Variants in CRYGN observed in about 807,000 individuals in gnomAD.
The protein encoded by CRYGN is gamma-crystallin N.
Under a neutral mutation model 19.2 loss-of-function variants are expected in CRYGN, and 17 were observed. The ratio of observed to expected loss-of-function variants is 0.89; its 90% CI spans 0.61 to 1.33. The LOEUF is 1.33. Ranked by LOEUF, CRYGN falls within the 40% of genes most tolerant of loss-of-function variation. The pLI is 0.00. For synonymous variants in CRYGN, 84 were observed against 85.8 expected (o/e 0.98, Z 0.12); for missense variants, 239 against 239.6 (o/e 1.00, Z 0.02).
chr7:151,437,810 CAT>C, intron 2 of CRYGN, 184 bp downstream of exon 2: 1 of 1,471,488 alleles, frequency 6.8e-7, no homozygotes, highest in Non-Finnish European at 9.0e-7. Context: ...CCACTCAGTT[CAT>C]AGCAACTTGG....
chr7:151,432,417 A>T, intron 3 of CRYGN: 1 of 445,624 alleles, frequency 2.2e-6, no homozygotes, highest in Non-Finnish European at 3.7e-6. Flanking sequence ...GGCTACACGA[A>T]GGCACCCACG....
chr7:151,438,661 A>C (rs1801682873), intron 1 of CRYGN, among the ~76,000 whole-genome samples: 1 of 152,260 alleles, frequency 6.6e-6, no homozygotes, highest in Non-Finnish European at 1.5e-5. Context: ...TTTCACCCAC[A>C]ACCCTCTCAT....
Position 151,438,039 on chromosome 7 carries a change from T to C in CRYGN, c.227A>G (p.Asn76Ser), listed in dbSNP as rs748980423. Reference sequence around the variant, plus strand: ...GGAGCCCATGTGGTCACTGTGGCTGTTCCAGCGGAAGAAGTCGGGGTAGTC... The same window carrying C: ...GGAGCCCATGTGGTCACTGTGGCTGCTCCAGCGGAAGAAGTCGGGGTAGTC... ...HGDYPDFFRW[N>S]SHSDHMGSCR... The change falls in exon 2 of 4, where the codon AAC becomes AGC. Residue 76 changes from asparagine (N) to serine (S), a missense_variant. By Grantham distance (46) the Asn-to-Ser change is conservative (BLOSUM62 1). Transcript: ENST00000337323. 2 of 1,613,364 alleles carry C rather than the reference T, an allele frequency of 1.2e-6. No homozygotes were observed. The highest frequency in any genetic ancestry group is 1.7e-6 in the Non-Finnish European group (2 of 1,179,982).
rs1407887388 is a variant in CRYGN at position 151,435,966 on chromosome 7, CT to C, written c.416+213del. 1.3e-5 allele frequency among the ~76,000 whole-genome samples: 2 copies of C among 152,164 alleles called. No homozygotes were observed. Among genetic ancestry groups the C allele is most frequent in the Non-Finnish European group, 2.9e-5 (2 of 68,008 alleles). On this transcript the variant is annotated intron_variant, in intron 3 of 3. Coordinates refer to ENST00000337323, the MANE Select transcript of CRYGN (RefSeq NM_144727.3). The surrounding 1 kb of genome is among the most constrained non-coding windows in gnomAD (Gnocchi z 4.2). ...GGGCCCAGAGTCCCTCTCTGAGGCC[CT>C]TCTGGGCCACAGGGGAAGCTCCCCG...
At position 151,436,101 on chromosome 7, in the gene CRYGN, G is replaced by T; in HGVS notation, c.416+79C>A. 1 of 1,196,400 alleles carries T rather than the reference G, an allele frequency of 8.4e-7. No homozygotes were observed. Among genetic ancestry groups the T allele is most frequent in the Non-Finnish European group, 1.1e-6 (1 of 921,728 alleles). The allele number at this position is 1,196,400 out of a possible 1,614,324, so 74.1% of individuals were successfully genotyped here. A position where few individuals can be genotyped will look rare whatever the true frequency, so the allele number is the denominator to read the frequency against. ...CATTCCCACCCCACCCACCACCCCT[G>T]TGTGGCGGGCAGCCTCCCACGCCTG... On this transcript the variant is annotated intron_variant, in intron 3 of 3. Transcript: ENST00000337323. The surrounding 1 kb of genome is among the most constrained non-coding windows in gnomAD (Gnocchi z 5.1).
Position 151,439,922 on chromosome 7 carries a change from C to T in CRYGN, c.-5G>A. On this transcript the variant is annotated 5_prime_UTR_variant, in exon 1 of 4. Transcript: ENST00000337323. ...CTTCCCCGAGCGCTGCGCCATGGTG[C>T]GCCCCGCCCCTTCCGCGGGTCCCCG... is the stretch of plus-strand genomic sequence containing the variant. The T allele has an allele frequency of 1.3e-6, 2 of 1,542,302 alleles. No individual in the cohort carries two copies. The highest frequency in any genetic ancestry group is 1.2e-5 in the South Asian group (1 of 82,444).
Position 151,429,926 on chromosome 7 carries a change from C to T in CRYGN, c.*122G>A. On this transcript the variant is annotated 3_prime_UTR_variant, in exon 4 of 4. Coordinates refer to ENST00000337323, the MANE Select transcript of CRYGN (RefSeq NM_144727.3). ...GCCTCCCGCTGGCAGATATGACACACAGAAGGCTCCACCTCCCTAACAAAC... is the reference window on the plus strand; with the variant it reads ...GCCTCCCGCTGGCAGATATGACACATAGAAGGCTCCACCTCCCTAACAAAC... 2.8e-6 allele frequency: 2 copies of T among 726,150 alleles called. No homozygotes were observed. The highest frequency in any genetic ancestry group is 5.1e-6 in the Non-Finnish European group (2 of 391,126). The allele number at this position is 726,150 out of a possible 1,614,324, so 45.0% of individuals were successfully genotyped here.
chr7:151,434,648 T>C (rs1329901684), intron 3 of CRYGN, among the ~76,000 whole-genome samples: 7 of 152,206 alleles, frequency 4.6e-5, no homozygotes, highest in African/African-American at 1.7e-4. Flanking sequence ...GTTCCTGATA[T>C]AAAATGGCAC....
chr7:151,439,704 A>T (rs1396981896), intron 1 of CRYGN, among the ~76,000 whole-genome samples, 193 bp downstream of exon 1: 3 of 152,118 alleles, frequency 2.0e-5, no homozygotes, highest in Non-Finnish European at 4.4e-5. Context: ...AGGAGTGGAG[A>T]TGGAGACCTT....
intron 3 of CRYGN, chr7:151,432,188 G>A (rs907229816): frequency 1.1e-5 from 14 of 1,231,810 alleles, no homozygotes; most frequent in African/African-American, 4.7e-5. Flanking sequence ...GACTGCACTC[G>A]TGCGCTGTGG....
intron 2 of CRYGN, among the ~76,000 whole-genome samples, chr7:151,437,484 A>G (rs1584828174): frequency 6.6e-6 from 1 of 151,868 alleles, no homozygotes; most frequent in Non-Finnish European, 1.5e-5. Context: ...CCCTGCACAC[A>G]CCTCTTGGGC....
At chr7:151,432,913 G>A (rs1373753949) in intron 3 of CRYGN, among the ~76,000 whole-genome samples, 1 of 152,242 alleles carries the variant, frequency 6.6e-6, no homozygotes, top group Admixed American at 6.5e-5. Context: ...TTCATTCAGT[G>A]AATGCCAGCA....
At chr7:151,438,276 A>G in intron 1 of CRYGN, 32 bp from the exon 2 acceptor site, 1 of 1,581,556 alleles carries the variant, frequency 6.3e-7, no homozygotes, top group Non-Finnish European at 8.6e-7. Context: ...GCTCAGGGTC[A>G]GGGGCTTCTC....
rs1801467331 is a variant in CRYGN at position 151,431,634 on chromosome 7, ACACT to A, written c.417-1458_417-1455del. On this transcript the variant is annotated intron_variant, in intron 3 of 3. Coordinates refer to ENST00000337323, the MANE Select transcript of CRYGN (RefSeq NM_144727.3). This position sits in a 1 kb window ranked among gnomAD's most constrained non-coding sequence, Gnocchi z 4.8. ...CTGTTCAAGCTAAGCCCCCACCCTG[ACACT>A]CACCACCACTAACTGTTTTCTCTCT... 6.6e-6 allele frequency among the ~76,000 whole-genome samples: 1 copy of A among 152,072 alleles called. No homozygotes were observed. Among genetic ancestry groups the A allele is most frequent in the Admixed American group, 6.5e-5 (1 of 15,282 alleles).
chr7:151,440,512 T>C (rs1231392932), upstream of CRYGN: 2 of 152,982 alleles, frequency 1.3e-5, no homozygotes, highest in Non-Finnish European at 1.5e-5. Flanking sequence ...ACCCAGCTCC[T>C]GATGCACCCC....
In CRYGN at chr7:151,439,920, T is replaced by A; in HGVS notation, c.-3A>T. On this transcript the variant is annotated 5_prime_UTR_variant, in exon 1 of 4. Coordinates refer to ENST00000337323, the MANE Select transcript of CRYGN (RefSeq NM_144727.3). ...ACCTTCCCCGAGCGCTGCGCCATGGTGCGCCCCGCCCCTTCCGCGGGTCCC... is the reference window on the plus strand; with the variant it reads ...ACCTTCCCCGAGCGCTGCGCCATGGAGCGCCCCGCCCCTTCCGCGGGTCCC... 2 of 1,546,134 alleles carry A rather than the reference T, an allele frequency of 1.3e-6. No homozygotes were observed. Among genetic ancestry groups the A allele is most frequent in the Non-Finnish European group, 1.7e-6 (2 of 1,147,546 alleles).
intron 2 of CRYGN, 177 bp downstream of exon 2, chr7:151,437,819 T>C: frequency 6.8e-7 from 1 of 1,477,150 alleles, no homozygotes; most frequent in Non-Finnish European, 9.0e-7. Flanking sequence ...TCATAGCAAC[T>C]TGGCCCCCCA....
intron 1 of CRYGN, 83 bp downstream of exon 1, chr7:151,439,814 G>T: frequency 2.2e-6 from 3 of 1,395,044 alleles, no homozygotes; most frequent in Non-Finnish European, 2.9e-6. Flanking sequence ...ACCATCAACA[G>T]TGTGCACCCT....
At chr7:151,439,097 C>T (rs1353753059) in intron 1 of CRYGN, 1 of 152,280 alleles carries the variant, frequency 6.6e-6, no homozygotes, top group Non-Finnish European at 1.5e-5. Context: ...ACTATGGTCG[C>T]TTGTGCCTCA....
Sources: gnomAD v4.1 joint callset for allele counts (sites outside exome capture counted in the v4.1 genomes callset) on GRCh38, gnomAD v4.1.1 for gene constraint, Gnocchi (gnomAD v3.1) non-coding constraint, MANE v1.5 for transcripts, NCBI Gene and HGNC (gene_info 2026-07-23, HGNC 2026-07-21) for gene names.